The following RARB variants were observed in gnomAD, a reference collection of about 807,000 sequenced individuals.
The protein encoded by RARB is HBV-activated protein.
RARB carries 17 observed loss-of-function variants against 51.9 expected under a neutral mutation model. The observed-to-expected ratio is 0.33, with a 90% CI of 0.22 to 0.49. The LOEUF is 0.49. RARB is among the 20% of genes least tolerant of loss of function. The pLI is 0.99. For synonymous variants in RARB, 215 were observed against 195.4 expected, an observed-to-expected ratio of 1.10 and a Z score of -0.84; for missense variants, 369 against 550.8, an observed-to-expected ratio of 0.67 and a Z score of 3.30.
chr3:25,568,294 A>G (rs1248845009), intron 3 of RARB, among the ~76,000 whole-genome samples: 1 of 152,196 alleles, frequency 6.6e-6, no homozygotes, highest in African/African-American at 2.4e-5. Context: ...GAACTTGAGC[A>G]TATTTCTTAG....
chr3:25,065,024 C>G (rs1698633479), intron 3 of RARB, among the ~76,000 whole-genome samples: 1 of 152,192 alleles, frequency 6.6e-6, no homozygotes, highest in Non-Finnish European at 1.5e-5. Flanking sequence ...GCCATTGGCT[C>G]TGATCCTGAT....
At chr3:25,184,350 T>C (rs1202356898) in intron 5 of RARB, among the ~76,000 whole-genome samples, 5 of 152,164 alleles carry the variant, frequency 3.3e-5, no homozygotes, top group East Asian at 1.9e-4. Flanking sequence ...GCACTGATGA[T>C]AGCACAGAGT....
chr3:25,236,215 C>T (rs1186608107), intron 5 of RARB, among the ~76,000 whole-genome samples: 1 of 152,040 alleles, frequency 6.6e-6, no homozygotes, highest in African/African-American at 2.4e-5. Flanking sequence ...TTAATTGTGC[C>T]AAGAACAATG....
intron 4 of RARB, among the ~76,000 whole-genome samples, chr3:25,153,287 A>G (rs1700321766): frequency 6.6e-6 from 1 of 152,202 alleles, no homozygotes; most frequent in African/African-American, 2.4e-5. Flanking sequence ...TGTTTTGTGC[A>G]CGTCATCCGC....
chr3:25,107,141 T>TC (rs1699522040), intron 3 of RARB, among the ~76,000 whole-genome samples: 1 of 152,208 alleles, frequency 6.6e-6, no homozygotes, highest in Admixed American at 6.5e-5. Flanking sequence ...CCTCAGGTGA[T>TC]CTACCTGCCT....
chr3:25,315,780 AT>A (rs60374066), intron 5 of RARB, among the ~76,000 whole-genome samples: 53,183 of 148,764 alleles, frequency 0.36, 9,996 homozygotes, highest in African/African-American at 0.48. Context: ...CACTCAGCTA[AT>A]TTTTTTTTTT....
In RARB at chr3:25,206,000, G is replaced by T. The variant is rs113186984; in HGVS notation, c.178+31425G>T. Among the ~76,000 whole-genome samples the T allele has an allele frequency of 4.5e-3, 688 of 152,284 alleles. 8 individuals are homozygous for T. Among genetic ancestry groups the T allele is most frequent in the African/African-American group, 0.016 (645 of 41,560 alleles). On this transcript the variant is annotated intron_variant, in intron 5 of 11. Coordinates refer to the RARB transcript ENST00000383772. ...ACTGTAGTCTAAGTGTTCCAAGCAT[G>T]TTTAAGGTAGACTAGGCTAAGCTAT...
intron 5 of RARB, among the ~76,000 whole-genome samples, chr3:25,284,474 TAG>T (rs879854981): frequency 1.3e-5 from 2 of 152,046 alleles, no homozygotes; most frequent in African/African-American, 2.4e-5. Flanking sequence ...TTTATTTGAG[TAG>T]TATTACTCAA....
intron 2 of RARB, among the ~76,000 whole-genome samples, chr3:24,951,211 C>A (rs1695884563): frequency 6.6e-6 from 1 of 152,130 alleles, no homozygotes; most frequent in Non-Finnish European, 1.5e-5. Flanking sequence ...GGCTCCAAGT[C>A]ATGGTGTTAG....
chr3:25,133,638 T>TA (rs901398997), intron 4 of RARB, among the ~76,000 whole-genome samples: 1 of 152,026 alleles, frequency 6.6e-6, no homozygotes, highest in African/African-American at 2.4e-5. Flanking sequence ...ACCTATTCTT[T>TA]AAAATGTGTT....
At chr3:25,154,704 T>A (rs1428208605) in intron 4 of RARB, among the ~76,000 whole-genome samples, 2 of 152,234 alleles carry the variant, frequency 1.3e-5, no homozygotes, top group Non-Finnish European at 2.9e-5. Flanking sequence ...TTCCAATCTC[T>A]TACTACTCCC....
At chr3:25,522,961 G>A (rs1698465353) in intron 3 of RARB, among the ~76,000 whole-genome samples, 1 of 152,170 alleles carries the variant, frequency 6.6e-6, no homozygotes, top group Non-Finnish European at 1.5e-5. Context: ...GTTTGATGGT[G>A]CTGTCTAGAA....
At chr3:25,589,585 G>T (rs1701534188) in intron 5 of RARB, among the ~76,000 whole-genome samples, 2 of 152,188 alleles carry the variant, frequency 1.3e-5, no homozygotes, top group Admixed American at 6.5e-5. Flanking sequence ...CTGCCTCTGG[G>T]GTCCCACATC....
At position 24,945,967 on chromosome 3, in the gene RARB, ATTAC is replaced by A. The variant is rs1365647230; in HGVS notation, c.-380+87219_-380+87222del. ...AATGTCTCAAACTATCTTATAGTGT[ATTAC>A]TTAAGAATCGCTGGCCAGGCGCGGT... On this transcript the variant is annotated intron_variant, in intron 2 of 11. Coordinates refer to the RARB transcript ENST00000383772. Among the ~76,000 whole-genome samples, 6 of 152,324 alleles carry A rather than the reference ATTAC, an allele frequency of 3.9e-5. No individual in the cohort carries two copies. In the East Asian group the frequency reaches 1.2e-3, roughly 29 times the overall value.
At chr3:25,177,636 T>C (rs1700781886) in intron 5 of RARB, among the ~76,000 whole-genome samples, 1 of 152,204 alleles carries the variant, frequency 6.6e-6, no homozygotes, top group Non-Finnish European at 1.5e-5. Context: ...ACAATTTCCA[T>C]AGCAGCTACT....
chr3:24,926,673 G>A (rs1695328697), intron 2 of RARB, among the ~76,000 whole-genome samples: 1 of 151,924 alleles, frequency 6.6e-6, no homozygotes, highest in South Asian at 2.1e-4. Flanking sequence ...TAAGAATGAG[G>A]AGTTTGATTT....
intron 2 of RARB, among the ~76,000 whole-genome samples, chr3:24,913,652 G>T (rs372933550): frequency 1.3e-5 from 2 of 152,150 alleles, no homozygotes; most frequent in Admixed American, 1.3e-4. Flanking sequence ...TCAAAATAAA[G>T]TTACATCTTA....
At chr3:24,836,705 C>T (rs115615680) in intron 1 of RARB, among the ~76,000 whole-genome samples, 172 of 152,012 alleles carry the variant, frequency 1.1e-3, no homozygotes, top group African/African-American at 3.9e-3. Context: ...GATTCTTGAG[C>T]GAGACAGGGA....
At chr3:24,986,387 A>ATCTTC (rs1696794815) in intron 2 of RARB, among the ~76,000 whole-genome samples, 1 of 152,224 alleles carries the variant, frequency 6.6e-6, no homozygotes, top group African/African-American at 2.4e-5. Flanking sequence ...GACATAGATT[A>ATCTTC]AAGATCTGGA....
Sources: gnomAD v4.1 joint callset for allele counts (sites outside exome capture counted in the v4.1 genomes callset) on GRCh38, gnomAD v4.1.1 for gene constraint, MANE v1.5 for transcripts, NCBI Gene and HGNC (gene_info 2026-07-23, HGNC 2026-07-21) for gene names.